ARHGAP5: variants seen among roughly 807,000 people sequenced by gnomAD.
The protein encoded by ARHGAP5 is rho GTPase-activating protein 5.
ARHGAP5 carries 23 observed loss-of-function variants against 116.6 expected under a neutral mutation model. The ratio of observed to expected loss-of-function variants is 0.20; its 90% confidence interval spans 0.14 to 0.28. The LOEUF (loss-of-function observed/expected upper bound fraction) is 0.28, where lower values mean the gene tolerates loss of function less well. Ranked by LOEUF, ARHGAP5 falls within the 10% of genes least tolerant of loss-of-function variation. The pLI is 1.00. For missense variants in ARHGAP5, 1,405 were observed against 1,774.8 expected (o/e 0.79, Z 3.74); for synonymous variants, 574 against 602.0 (o/e 0.95, Z 0.68).
chr14:32,084,377 G>GA (rs1017625719), intron 1 of ARHGAP5, among the ~76,000 whole-genome samples: 1 of 152,076 alleles, frequency 6.6e-6, no homozygotes, highest in East Asian at 1.9e-4. Context: ...TAGTCCTGGG[G>GA]AAAAAAACTG....
intron 2 of ARHGAP5, among the ~76,000 whole-genome samples, chr14:32,098,173 G>A (rs964417041): frequency 6.6e-6 from 1 of 152,202 alleles, no homozygotes; most frequent in African/African-American, 2.4e-5. Flanking sequence ...AAGAAAGGCA[G>A]GGTGGAATGG....
At chr14:32,131,598 T>C (rs1880501192) in intron 3 of ARHGAP5, among the ~76,000 whole-genome samples, 1 of 152,194 alleles carries the variant, frequency 6.6e-6, no homozygotes, top group African/African-American at 2.4e-5. Flanking sequence ...TTTGTTATTA[T>C]TATACTTCAA....
intron 2 of ARHGAP5, among the ~76,000 whole-genome samples, chr14:32,114,475 G>A (rs967497816): frequency 3.3e-5 from 5 of 152,104 alleles, no homozygotes; most frequent in Non-Finnish European, 5.9e-5. Context: ...GGTGGTGGTC[G>A]AAGTGGAGGG....
At chr14:32,145,923 A>C (rs1881356260) in intron 3 of ARHGAP5, among the ~76,000 whole-genome samples, 1 of 152,080 alleles carries the variant, frequency 6.6e-6, no homozygotes. Context: ...ATTGTTATAG[A>C]TGTATATTGG....
At chr14:32,120,621 T>A (rs1457764330) in intron 3 of ARHGAP5, among the ~76,000 whole-genome samples, 4 of 150,476 alleles carry the variant, frequency 2.7e-5, no homozygotes, top group African/African-American at 9.9e-5. Flanking sequence ...TTTTTTTTTT[T>A]AAATTAACTC....
chr14:32,151,156 G>C (rs1881621172), intron 5 of ARHGAP5, among the ~76,000 whole-genome samples: 2 of 152,136 alleles, frequency 1.3e-5, no homozygotes, highest in African/African-American at 2.4e-5. Context: ...TGATAGCTTA[G>C]ATGTTCTTAT....
intron 2 of ARHGAP5, among the ~76,000 whole-genome samples, chr14:32,111,838 G>GTTT (rs1491078085): frequency 1.7e-5 from 2 of 116,044 alleles, no homozygotes; most frequent in African/African-American, 6.4e-5. Context: ...CTTCTTCTTT[G>GTTT]ATTTTTTTTT....
intron 2 of ARHGAP5, among the ~76,000 whole-genome samples, chr14:32,113,107 G>T (rs1280017852): frequency 1.3e-5 from 2 of 152,172 alleles, no homozygotes; most frequent in Non-Finnish European, 2.9e-5. Context: ...ATTTTGAGTT[G>T]TTACAAGTTT....
intron 4 of ARHGAP5, among the ~76,000 whole-genome samples, chr14:32,147,765 C>T (rs1881447056): frequency 6.6e-6 from 1 of 152,140 alleles, no homozygotes; most frequent in South Asian, 2.1e-4. Context: ...AGTGGCAAAA[C>T]ATCAGTTATT....
intron 2 of ARHGAP5, among the ~76,000 whole-genome samples, chr14:32,108,296 TG>T (rs1216377020): frequency 1.3e-5 from 2 of 152,048 alleles, no homozygotes; most frequent in African/African-American, 4.8e-5. Context: ...AGGGTTTTTG[TG>T]TTTGTTTTTA....
intron 6 of ARHGAP5, 109 bp from the exon 7 acceptor site, chr14:32,154,512 T>G: frequency 7.8e-6 from 8 of 1,019,540 alleles, no homozygotes; most frequent in Non-Finnish European, 7.0e-6. Context: ...AACCCCAGGT[T>G]TGAAGTAGGA....
In ARHGAP5 at chr14:32,158,660, G is replaced by T. The variant is rs1159312749; in HGVS notation, c.*3712G>T. 1 of 151,774 alleles carries T rather than the reference G, an allele frequency of 6.6e-6. No individual in the cohort carries two copies. Among genetic ancestry groups the T allele is most frequent in the African/African-American group, 2.4e-5 (1 of 41,386 alleles). The allele number at this position is 151,774 out of a possible 1,614,324, so 9.4% of individuals were successfully genotyped here. The stretch of plus-strand genomic sequence containing the variant: ...TTTCTAATTTGTTTCAATACATATG[G>T]GACATGGTTGATTTTTTTACTGTAT... On this transcript the variant is annotated 3_prime_UTR_variant, in exon 7 of 7. Coordinates refer to ENST00000345122, the MANE Select transcript of ARHGAP5 (RefSeq NM_001030055.2).
chr14:32,141,306 TAGTC>T (rs1881114390), intron 3 of ARHGAP5, among the ~76,000 whole-genome samples: 2 of 152,206 alleles, frequency 1.3e-5, no homozygotes, highest in Admixed American at 1.3e-4. Context: ...ATTATTTTCT[TAGTC>T]ATTACCCTGC....
At chr14:32,107,687 A>G (rs1176160862) in intron 2 of ARHGAP5, among the ~76,000 whole-genome samples, 1 of 152,236 alleles carries the variant, frequency 6.6e-6, no homozygotes, top group Admixed American at 6.5e-5. Context: ...TAGATTTACT[A>G]AGATAGCAAA....
chr14:32,154,441 A>G (rs1881800221), intron 6 of ARHGAP5, 180 bp from the exon 7 acceptor site: 1 of 589,266 alleles, frequency 1.7e-6, no homozygotes, highest in African/African-American at 1.9e-5. Flanking sequence ...GAGCCACTGC[A>G]CCTGGCCCAG....
chr14:32,077,333 A>AGGC lies in ARHGAP5; in HGVS notation c.-269_-268insCGG, dbSNP rs1555354251. On this transcript the variant is annotated 5_prime_UTR_variant, in exon 1 of 7. Coordinates refer to ENST00000345122, the MANE Select transcript of ARHGAP5 (RefSeq NM_001030055.2). ...AAGAGAGGCGAGCGGAGAGTGGAGGAGGAGGCGGCGGCGGCGGGAGCGGTC... is the reference window on the plus strand; with the variant it reads ...AAGAGAGGCGAGCGGAGAGTGGAGGAGGCGGAGGCGGCGGCGGCGGGAGCGGTC... The AGGC allele has an allele frequency of 1.6e-6, 1 of 625,618 alleles. No individual in the cohort carries two copies. The highest frequency in any genetic ancestry group is 2.9e-6 in the Non-Finnish European group (1 of 339,730). The allele number at this position is 625,618 out of a possible 1,614,324, so 38.8% of individuals were successfully genotyped here. A position where few individuals can be genotyped will look rare whatever the true frequency, so the allele number is the denominator to read the frequency against.
At chr14:32,143,221 GTTGTTGTTGTTGTTGTTGTTA>G (rs963798346) in intron 3 of ARHGAP5, among the ~76,000 whole-genome samples, 18 of 147,562 alleles carry the variant, frequency 1.2e-4, no homozygotes, top group African/African-American at 4.5e-4. Context: ...TGTTGTTGTT[GTTGTTGTTGTTGTTGTTGTTA>G]TTATTATTAT....
chr14:32,135,199 C>A (rs112074058), intron 3 of ARHGAP5, among the ~76,000 whole-genome samples: 1 of 152,194 alleles, frequency 6.6e-6, no homozygotes, highest in South Asian at 2.1e-4. Flanking sequence ...ACCAAACTTT[C>A]ATTGCCCAGG....
chr14:32,141,955 A>G (rs1263806287), intron 3 of ARHGAP5, among the ~76,000 whole-genome samples: 1 of 152,078 alleles, frequency 6.6e-6, no homozygotes, highest in Non-Finnish European at 1.5e-5. Flanking sequence ...TTCTCTTCAG[A>G]CTGGATAATC....
Sources: allele counts gnomAD v4.1 joint callset (sites outside exome capture counted in the v4.1 genomes callset), GRCh38; gene constraint gnomAD v4.1.1; transcripts MANE v1.5; gene names NCBI Gene and HGNC (gene_info 2026-07-23, HGNC 2026-07-21).